The following ERI1 variants were observed in gnomAD, a reference collection of about 807,000 sequenced individuals.
ERI1 encodes 3'-5' exoribonuclease 1.
In ERI1, 39 loss-of-function variants were observed where a neutral mutation model predicts 39.7. That is an observed-to-expected ratio of 0.98 (90% CI 0.76 to 1.28). The LOEUF is 1.28. Among genes scored for constraint, ERI1 ranks in the 50% most tolerant of loss-of-function variants. ERI1 has a pLI of 0.00. For missense variants in ERI1, 581 were observed against 416.9 expected (o/e 1.39, Z -3.43); for synonymous variants, 204 against 149.6 (o/e 1.36, Z -2.65).
At chr8:9,023,496 A>G (rs569629408) in intron 6 of ERI1, among the ~76,000 whole-genome samples, 3 of 152,280 alleles carry the variant, frequency 2.0e-5, no homozygotes, top group African/African-American at 4.8e-5. Flanking sequence ...TGTAGATATT[A>G]TAAGGCAATA....
intron 6 of ERI1, among the ~76,000 whole-genome samples, chr8:9,026,242 C>T (rs117720141): frequency 6.6e-6 from 1 of 152,318 alleles, no homozygotes; most frequent in East Asian, 1.9e-4. Context: ...CTGTATAACA[C>T]TTGTTGTTCA....
At position 9,018,372 on chromosome 8, in the gene ERI1, G is replaced by C. The variant is rs1442059448; in HGVS notation, c.658G>C (p.Gly220Arg). ...VIDWMKLKEL[G>R]TKYKYSLLTD... ...TGACTGGATGAAATTGAAGGAATTA[G>C]GAACAAAGTATAAATACTCACTTTT... Residue 220 changes from glycine to arginine, a missense_variant, in exon 5 of 7, where the codon GGA becomes CGA. Coordinates refer to ENST00000250263, the MANE Select transcript of ERI1 (RefSeq NM_153332.4). 6.2e-7 allele frequency: 1 copy of C among 1,607,538 alleles called. No homozygotes were observed. Among genetic ancestry groups the C allele is most frequent in the South Asian group, 1.1e-5 (1 of 90,886 alleles).
intron 3 of ERI1, chr8:9,100,091 A>G (rs1800004445): frequency 6.5e-6 from 1 of 152,860 alleles, no homozygotes; most frequent in Non-Finnish European, 1.5e-5. Flanking sequence ...TGTAATTTTC[A>G]TTTCAGAAGC....
At chr8:9,091,052 A>G (rs1261041772) in intron 3 of ERI1, among the ~76,000 whole-genome samples, 1 of 152,238 alleles carries the variant, frequency 6.6e-6, no homozygotes, top group Non-Finnish European at 1.5e-5. Flanking sequence ...AAAAATCAAC[A>G]GTCTTTATAT....
intron 3 of ERI1, among the ~76,000 whole-genome samples, chr8:9,013,735 G>A (rs536920310): frequency 6.6e-6 from 1 of 152,224 alleles, no homozygotes; most frequent in Non-Finnish European, 1.5e-5. Context: ...GCCTCCTGTA[G>A]CCTGGGGGAT....
At chr8:9,071,142 GT>G (rs1324634693) in intron 3 of ERI1, among the ~76,000 whole-genome samples, 1 of 152,196 alleles carries the variant, frequency 6.6e-6, no homozygotes, top group Non-Finnish European at 1.5e-5. Flanking sequence ...GAAAGTTCTT[GT>G]GTTTACAGCT....
chr8:9,081,246 T>C (rs1799356510), intron 3 of ERI1, among the ~76,000 whole-genome samples: 1 of 152,210 alleles, frequency 6.6e-6, no homozygotes, highest in Non-Finnish European at 1.5e-5. Context: ...GGATTACAAT[T>C]TGTGATGAGA....
intron 3 of ERI1, among the ~76,000 whole-genome samples, chr8:9,045,442 C>G (rs1798145452): frequency 6.6e-6 from 1 of 151,808 alleles, no homozygotes; most frequent in Non-Finnish European, 1.5e-5. Context: ...GGCAGGCTCT[C>G]ATTAGACTTT....
intron 4 of ERI1, 68 bp downstream of exon 4, chr8:9,016,473 A>G: frequency 2.1e-6 from 2 of 944,528 alleles, no homozygotes; most frequent in Non-Finnish European, 3.2e-6. Flanking sequence ...TATTTTATAC[A>G]TAATTTAAAA....
At chr8:9,037,667 G>C (rs76377676), downstream of ERI1, among the ~76,000 whole-genome samples, 1 of 152,012 alleles carries the variant, frequency 6.6e-6, no homozygotes, top group Admixed American at 6.6e-5. Flanking sequence ...AAAAGGTAGC[G>C]TAAGTCCTGA....
chr8:9,090,171 G>A (rs1799661197), intron 3 of ERI1, among the ~76,000 whole-genome samples: 1 of 152,050 alleles, frequency 6.6e-6, no homozygotes, highest in African/African-American at 2.4e-5. Context: ...AAGGACCCAG[G>A]ACACTTGCTT....
chr8:9,092,960 G>A (rs745400811), intron 3 of ERI1, among the ~76,000 whole-genome samples: 6 of 152,194 alleles, frequency 3.9e-5, no homozygotes, highest in Admixed American at 1.3e-4. Flanking sequence ...AGTCTTTGGC[G>A]TTCCTTGGCT....
rs906050126 is a variant in ERI1 at position 9,031,687 on chromosome 8, C to G, written c.*1653C>G. ...ATTTCTTTGCCTGTTTTCACTTTCGCCAAGTACCAACAAGCTCATGTTGTA... is the reference window on the plus strand; with the variant it reads ...ATTTCTTTGCCTGTTTTCACTTTCGGCAAGTACCAACAAGCTCATGTTGTA... On this transcript the variant is annotated 3_prime_UTR_variant, in exon 7 of 7. Transcript: ENST00000250263. 2 of 152,150 alleles carry G rather than the reference C, an allele frequency of 1.3e-5. No homozygotes were observed. Among genetic ancestry groups the G allele is most frequent in the Non-Finnish European group, 2.9e-5 (2 of 68,024 alleles). 9.4% of individuals were successfully genotyped at this position (152,150 alleles called of 1,614,324 possible). A position where few individuals can be genotyped will look rare whatever the true frequency, so the allele number is the denominator to read the frequency against.
At chr8:9,013,257 C>A (rs971694439) in intron 3 of ERI1, among the ~76,000 whole-genome samples, 1 of 151,452 alleles carries the variant, frequency 6.6e-6, no homozygotes, top group South Asian at 2.1e-4. Context: ...TCAGGCAATC[C>A]ACCTGCCTCA....
rs944959927 is a variant in ERI1 at position 9,032,863 on chromosome 8, C to T, written c.*2829C>T. 6.6e-6 allele frequency: 1 copy of T among 152,142 alleles called. No homozygotes were observed. Among genetic ancestry groups the T allele is most frequent in the Non-Finnish European group, 1.5e-5 (1 of 68,026 alleles). 9.4% of individuals were successfully genotyped at this position (152,142 alleles called of 1,614,324 possible). On this transcript the variant is annotated 3_prime_UTR_variant, in exon 7 of 7. Coordinates refer to ENST00000250263, the MANE Select transcript of ERI1 (RefSeq NM_153332.4). ...TACCTGCCTCACAGATGAGCACGCA[C>T]GGGTGCATTGTCAAAGTCTGAGAAG...
At chr8:9,037,591 T>G (rs1448394384), downstream of ERI1, among the ~76,000 whole-genome samples, 3 of 152,066 alleles carry the variant, frequency 2.0e-5, no homozygotes, top group African/African-American at 7.2e-5. Flanking sequence ...CAATGGGTGC[T>G]TAGTTAAAAA....
At chr8:9,006,597 A>G (rs1665462460) in intron 1 of ERI1, among the ~76,000 whole-genome samples, 1 of 152,200 alleles carries the variant, frequency 6.6e-6, no homozygotes, top group African/African-American at 2.4e-5. Context: ...AATTTTTTGT[A>G]AAATTCTGGT....
intron 3 of ERI1, among the ~76,000 whole-genome samples, chr8:9,098,517 A>G (rs905857062): frequency 6.6e-6 from 1 of 152,140 alleles, no homozygotes; most frequent in African/African-American, 2.4e-5. Flanking sequence ...GTGAGACTCC[A>G]TCTCAACAAC....
intron 3 of ERI1, among the ~76,000 whole-genome samples, chr8:9,065,712 A>G (rs937891565): frequency 2.3e-4 from 9 of 39,088 alleles, no homozygotes; most frequent in Non-Finnish European, 7.0e-4. Context: ...AAAAAAAAAA[A>G]AAGGCTGACT....
Sources: allele counts gnomAD v4.1 joint callset (sites outside exome capture counted in the v4.1 genomes callset), GRCh38; gene constraint gnomAD v4.1.1; transcripts MANE v1.5; gene names NCBI Gene and HGNC (gene_info 2026-07-23, HGNC 2026-07-21).